The following FGGY variants were observed in gnomAD, a reference collection of about 807,000 sequenced individuals.
The protein encoded by FGGY is FGGY carbohydrate kinase domain containing, also known as FGGY carbohydrate kinase domain-containing protein.
FGGY carries 72 observed loss-of-function variants against 71.3 expected under a neutral mutation model. That is an observed-to-expected ratio of 1.01 (90% CI 0.84 to 1.23). The LOEUF is 1.23. FGGY is among the 50% of genes most tolerant of loss of function. The pLI is 0.00. For missense variants in FGGY, 668 were observed against 682.3 expected, an observed-to-expected ratio of 0.98 and a Z score of 0.23; for synonymous variants, 251 against 250.3, an observed-to-expected ratio of 1.00 and a Z score of -0.02.
At chr1:59,730,042 A>G (rs1298663420) in intron 14 of FGGY, among the ~76,000 whole-genome samples, 1 of 152,178 alleles carries the variant, frequency 6.6e-6, no homozygotes, top group Non-Finnish European at 1.5e-5. Flanking sequence ...GGTAAAACCG[A>G]TGAAAGTGTG....
intron 13 of FGGY, among the ~76,000 whole-genome samples, chr1:59,669,641 C>A (rs1009226588): frequency 5.3e-5 from 8 of 151,096 alleles, no homozygotes; most frequent in Non-Finnish European, 1.2e-4. Flanking sequence ...GTGATCCACC[C>A]GCCTTGGCCT....
intron 8 of FGGY, among the ~76,000 whole-genome samples, chr1:59,562,571 G>C (rs2095808973): frequency 6.6e-6 from 1 of 152,194 alleles, no homozygotes; most frequent in African/African-American, 2.4e-5. Context: ...GGAATGTCTG[G>C]ATCACAGGGT....
At chr1:59,298,852 G>C (rs1569817378) in intron 1 of FGGY, among the ~76,000 whole-genome samples, 2 of 152,288 alleles carry the variant, frequency 1.3e-5, no homozygotes, top group East Asian at 3.9e-4. Flanking sequence ...AACCCAGGTG[G>C]TGTCAGAGAT....
intron 11 of FGGY, among the ~76,000 whole-genome samples, chr1:59,644,679 A>G (rs530219822): frequency 1.8e-4 from 27 of 152,136 alleles, no homozygotes; most frequent in African/African-American, 6.3e-4. Context: ...GGTCACACAT[A>G]AAGGTAGATG....
At chr1:59,648,693 G>C (rs757456687) in intron 11 of FGGY, among the ~76,000 whole-genome samples, 1 of 149,024 alleles carries the variant, frequency 6.7e-6, no homozygotes, top group Non-Finnish European at 1.5e-5. Context: ...CACCCATTTT[G>C]TAGGTTGCCT....
chr1:59,716,095 A>G (rs2097844292), intron 14 of FGGY, among the ~76,000 whole-genome samples: 1 of 152,234 alleles, frequency 6.6e-6, no homozygotes, highest in Non-Finnish European at 1.5e-5. Flanking sequence ...ATTAAAACCT[A>G]TTTTAAGTAG....
chr1:59,662,498 G>A (rs961515256), intron 12 of FGGY, among the ~76,000 whole-genome samples: 14 of 152,056 alleles, frequency 9.2e-5, no homozygotes, highest in Non-Finnish European at 1.8e-4. Context: ...GGCAGAGGTG[G>A]GATTTGAACC....
At chr1:59,299,584 G>A (rs1006396089) in intron 1 of FGGY, among the ~76,000 whole-genome samples, 1 of 150,678 alleles carries the variant, frequency 6.6e-6, no homozygotes, top group Non-Finnish European at 1.5e-5. Flanking sequence ...TGCCACAAAA[G>A]AAATAGCACT....
intron 8 of FGGY, among the ~76,000 whole-genome samples, chr1:59,558,381 A>T (rs755620199): frequency 1.9e-4 from 29 of 152,162 alleles, no homozygotes; most frequent in Non-Finnish European, 2.9e-4. Context: ...ATAAAGAGAA[A>T]GAGTACAACG....
At chr1:59,651,433 C>T (rs2097159621) in intron 11 of FGGY, among the ~76,000 whole-genome samples, 3 of 148,340 alleles carry the variant, frequency 2.0e-5, no homozygotes, top group Non-Finnish European at 1.5e-5. Flanking sequence ...AATCTGGGTG[C>T]TCCTGTATTG....
At chr1:59,367,458 A>C (rs1330829664) in intron 4 of FGGY, among the ~76,000 whole-genome samples, 1 of 152,244 alleles carries the variant, frequency 6.6e-6, no homozygotes, top group Non-Finnish European at 1.5e-5. Flanking sequence ...AAACAACAGC[A>C]TGAGTACTTG....
rs150112459 is a variant in FGGY, at chr1:59,442,448, T to C, written c.555-14513T>C. On this transcript the variant is annotated intron_variant, in intron 5 of 15. Coordinates refer to ENST00000303721, the MANE Select transcript of FGGY (RefSeq NM_018291.5). ...TTTGTTTTTGTTTTTGTTTTTGTTT[T>C]TGTTTTCCATTTCTGTTTCCTTTCC... Among the ~76,000 whole-genome samples, 653 of 152,276 alleles carry C rather than the reference T, an allele frequency of 4.3e-3. 1 individual carries two copies. The highest frequency in any genetic ancestry group is 0.015 in the African/African-American group (624 of 41,546).
chr1:59,674,991 C>T (rs371711332), intron 14 of FGGY, among the ~76,000 whole-genome samples: 7 of 152,262 alleles, frequency 4.6e-5, no homozygotes, highest in South Asian at 2.1e-4. Flanking sequence ...TAATTGACAG[C>T]GCATCGTGAG....
At chr1:59,578,565 G>A (rs1558414416) in intron 8 of FGGY, among the ~76,000 whole-genome samples, 1 of 152,054 alleles carries the variant, frequency 6.6e-6, no homozygotes, top group Non-Finnish European at 1.5e-5. Flanking sequence ...GCCAAAATGG[G>A]AGTTTTAATT....
intron 7 of FGGY, among the ~76,000 whole-genome samples, chr1:59,537,343 A>T (rs2095344856): frequency 6.6e-6 from 1 of 152,204 alleles, no homozygotes; most frequent in Non-Finnish European, 1.5e-5. Flanking sequence ...CAAGGAAATA[A>T]AAGAGGACAC....
At chr1:59,641,466 C>A in intron 11 of FGGY, 1 of 794,350 alleles carries the variant, frequency 1.3e-6, no homozygotes, top group Admixed American at 2.5e-5. Flanking sequence ...AGAAAAGTAC[C>A]TATCCTAAGT....
At chr1:59,690,319 A>T (rs2097578770) in intron 14 of FGGY, among the ~76,000 whole-genome samples, 2 of 152,140 alleles carry the variant, frequency 1.3e-5, no homozygotes, top group Admixed American at 1.3e-4. Context: ...CAACGGTCCC[A>T]TGAGATCCTG....
chr1:59,392,330 G>A (rs937662403), intron 5 of FGGY, among the ~76,000 whole-genome samples: 3 of 152,172 alleles, frequency 2.0e-5, no homozygotes, highest in African/African-American at 7.2e-5. Flanking sequence ...AGTGGCACTA[G>A]AGCTCTTAAG....
At chr1:59,723,172 G>A (rs149416179) in intron 14 of FGGY, among the ~76,000 whole-genome samples, 1 of 152,178 alleles carries the variant, frequency 6.6e-6, no homozygotes, top group East Asian at 1.9e-4. Context: ...ATTGCTCTTG[G>A]GCTATTGTCA....
Sources: gnomAD v4.1 joint callset for allele counts (sites outside exome capture counted in the v4.1 genomes callset) on GRCh38, gnomAD v4.1.1 for gene constraint, MANE v1.5 for transcripts, NCBI Gene and HGNC (gene_info 2026-07-23, HGNC 2026-07-21) for gene names.